Variants in FGF12 observed in about 807,000 individuals in gnomAD.
The protein encoded by FGF12 is fibroblast growth factor 12.
A neutral mutation model predicts 23.6 loss-of-function variants in FGF12; 14 were observed. That is an observed-to-expected ratio of 0.59 (90% confidence interval 0.39 to 0.93). FGF12 has a LOEUF of 0.93. Among genes scored for constraint, FGF12 ranks in the 40% least tolerant of loss-of-function variants. The pLI, the probability that FGF12 is intolerant of heterozygous loss-of-function variation, is 0.00. For missense variants in FGF12, 175 were observed against 217.8 expected (o/e 0.80, Z 1.24); for synonymous variants, 62 against 77.3 (o/e 0.80, Z 1.04).
At chr3:192,407,911 G>A (rs1396939873) in intron 2 of FGF12, 1 of 1,144,760 alleles carries the variant, frequency 8.7e-7, no homozygotes, top group Non-Finnish European at 1.2e-6. Context: ...GAGAAGAGGG[G>A]TCAGAATGTA....
At chr3:192,321,805 A>C (rs1027135270) in intron 4 of FGF12, among the ~76,000 whole-genome samples, 4 of 152,128 alleles carry the variant, frequency 2.6e-5, no homozygotes, top group African/African-American at 9.7e-5. Flanking sequence ...ATGGGTATAG[A>C]AGGATCATAT....
intron 4 of FGF12, among the ~76,000 whole-genome samples, chr3:192,311,578 C>G (rs1029319405): frequency 2.6e-5 from 4 of 152,138 alleles, no homozygotes; most frequent in African/African-American, 9.7e-5. Context: ...TACTTTTAGG[C>G]TGTTATGAAT....
chr3:192,680,058 T>C (rs898991740), intron 2 of FGF12, among the ~76,000 whole-genome samples: 11 of 152,166 alleles, frequency 7.2e-5, no homozygotes, highest in African/African-American at 2.7e-4. Context: ...GGCTTTTTTT[T>C]CCTTTACTGG....
At chr3:192,243,577 C>A (rs1246134271) in intron 4 of FGF12, among the ~76,000 whole-genome samples, 2 of 150,170 alleles carry the variant, frequency 1.3e-5, no homozygotes, top group Non-Finnish European at 3.0e-5. Flanking sequence ...ACAGTATATC[C>A]AACTTAAGCA....
intron 2 of FGF12, among the ~76,000 whole-genome samples, chr3:192,583,179 A>G (rs1323132785): frequency 2.0e-5 from 3 of 152,216 alleles, no homozygotes; most frequent in Non-Finnish European, 4.4e-5. Context: ...TGCCTCAAAT[A>G]ACACACACCT....
intron 4 of FGF12, among the ~76,000 whole-genome samples, chr3:192,208,601 T>C (rs1484222324): frequency 6.6e-6 from 1 of 152,206 alleles, no homozygotes; most frequent in African/African-American, 2.4e-5. Flanking sequence ...TTCTTGTGAA[T>C]AGATATTTCA....
At chr3:192,383,172 A>G (rs1486972849) in intron 2 of FGF12, among the ~76,000 whole-genome samples, 2 of 152,188 alleles carry the variant, frequency 1.3e-5, no homozygotes, top group African/African-American at 4.8e-5. Context: ...ACTAACATAT[A>G]CACCCCAGCA....
intron 2 of FGF12, among the ~76,000 whole-genome samples, chr3:192,690,244 G>A (rs1717899438): frequency 1.3e-5 from 2 of 151,924 alleles, no homozygotes; most frequent in African/African-American, 4.8e-5. Flanking sequence ...TAAATATATA[G>A]TCAAAATCAG....
intron 2 of FGF12, among the ~76,000 whole-genome samples, chr3:192,555,495 G>A (rs537609530): frequency 7.4e-4 from 113 of 152,108 alleles, no homozygotes; most frequent in Middle Eastern, 3.4e-3. Flanking sequence ...ATAAAAAGAT[G>A]TAATTGTCCA....
chr3:192,235,519 T>C (rs933635786), intron 4 of FGF12, among the ~76,000 whole-genome samples: 4 of 152,142 alleles, frequency 2.6e-5, no homozygotes, highest in African/African-American at 9.7e-5. Context: ...AGATGGGGTT[T>C]CACCATGTTG....
At chr3:192,637,585 T>C (rs1715631511) in intron 2 of FGF12, among the ~76,000 whole-genome samples, 1 of 152,212 alleles carries the variant, frequency 6.6e-6, no homozygotes, top group African/African-American at 2.4e-5. Flanking sequence ...CTAAGAGCTG[T>C]ATTTTTAGGA....
chr3:192,652,568 G>A (rs977584072), intron 2 of FGF12, among the ~76,000 whole-genome samples: 1 of 152,140 alleles, frequency 6.6e-6, no homozygotes. Context: ...CCTTAAGAAC[G>A]GTTCTCAAAG....
At chr3:192,381,639 C>T (rs1719816185) in intron 2 of FGF12, among the ~76,000 whole-genome samples, 1 of 152,064 alleles carries the variant, frequency 6.6e-6, no homozygotes, top group Admixed American at 6.5e-5. Context: ...CAGGATAGAA[C>T]ATTGAAGATG....
intron 4 of FGF12, among the ~76,000 whole-genome samples, chr3:192,274,625 T>C (rs1485840643): frequency 6.6e-6 from 1 of 152,014 alleles, no homozygotes; most frequent in African/African-American, 2.4e-5. Flanking sequence ...AAGAAATGGT[T>C]TCTACTTACA....
At chr3:192,639,230 G>GT (rs1245462946) in intron 2 of FGF12, among the ~76,000 whole-genome samples, 2 of 152,152 alleles carry the variant, frequency 1.3e-5, no homozygotes, top group East Asian at 3.8e-4. Context: ...TCCGGGAAAT[G>GT]TAACTCAAAA....
chr3:192,465,566 T>C (rs1228092181), intron 2 of FGF12, among the ~76,000 whole-genome samples: 2 of 151,990 alleles, frequency 1.3e-5, no homozygotes, highest in Admixed American at 1.3e-4. Context: ...CGATGGAGAG[T>C]TCCCTCCATT....
At chr3:192,528,508 T>A (rs915886972) in intron 2 of FGF12, among the ~76,000 whole-genome samples, 2 of 152,148 alleles carry the variant, frequency 1.3e-5, no homozygotes, top group Non-Finnish European at 2.9e-5. Flanking sequence ...GTACAACCTG[T>A]CAGTGGATCT....
intron 2 of FGF12, among the ~76,000 whole-genome samples, chr3:192,661,611 A>G (rs1306246023): frequency 6.6e-6 from 1 of 152,230 alleles, no homozygotes; most frequent in Non-Finnish European, 1.5e-5. Flanking sequence ...TAATAAAAAT[A>G]GTAAATACTG....
At chr3:192,458,339 C>T (rs1360417463) in intron 2 of FGF12, among the ~76,000 whole-genome samples, 1 of 152,180 alleles carries the variant, frequency 6.6e-6, no homozygotes, top group Non-Finnish European at 1.5e-5. Flanking sequence ...GGAAAAGCTG[C>T]AGACACTCAA....
Sources: gnomAD v4.1 joint callset for allele counts (sites outside exome capture counted in the v4.1 genomes callset) on GRCh38, gnomAD v4.1.1 for gene constraint, MANE v1.5 for transcripts, NCBI Gene and HGNC (gene_info 2026-07-23, HGNC 2026-07-21) for gene names.